Variants in PACSIN2 observed in about 807,000 individuals in gnomAD.
PACSIN2 encodes protein kinase C and casein kinase substrate in neurons protein 2.
PACSIN2 carries 25 observed loss-of-function variants against 63.8 expected under a neutral mutation model. That is an observed-to-expected ratio of 0.39 (90% CI 0.29 to 0.55). The LOEUF is 0.55. PACSIN2 is among the 20% of genes least tolerant of loss of function. PACSIN2 has a pLI of 0.62. For missense variants in PACSIN2, 518 were observed against 646.9 expected (o/e 0.80, Z 2.16); for synonymous variants, 255 against 256.2 (o/e 1.00, Z 0.05).
chr22:43,009,863 C>CTTTTTTTTTTTTTTTTTTTT lies in PACSIN2; in HGVS notation c.-78+5157_-78+5158insAAAAAAAAAAAAAAAAAAAA, dbSNP rs762256300. Among the ~76,000 whole-genome samples, 3 of 131,814 alleles carry CTTTTTTTTTTTTTTTTTTTT rather than the reference C, an allele frequency of 2.3e-5. 1 individual carries two copies. 86.5% of individuals were successfully genotyped at this position (131,814 alleles called of 152,430 possible). A position where few individuals can be genotyped will look rare whatever the true frequency, so the allele number is the denominator to read the frequency against. On this transcript the variant is annotated intron_variant, in intron 1 of 10. Coordinates refer to ENST00000263246, the MANE Select transcript of PACSIN2 (RefSeq NM_001184970.3). ...TAGTTGAGACATCATTTTATTTTTT[C>CTTTTTTTTTTTTTTTTTTTT]TATTTTTTTTTTTTTTTTTTTTTGA...
intron 7 of PACSIN2, among the ~76,000 whole-genome samples, chr22:42,879,411 G>A (rs1299271803): frequency 1.3e-5 from 2 of 152,212 alleles, no homozygotes; most frequent in East Asian, 3.8e-4. Context: ...GGATCTGGAG[G>A]CTTGCACCTC....
Position 42,951,247 on chromosome 22 carries a change from G to A in PACSIN2, c.-77-39090C>T, listed in dbSNP as rs181064687. On this transcript the variant is annotated intron_variant, in intron 1 of 10. Transcript: ENST00000263246. Reference sequence around the variant, plus strand: ...GCCTTATCTTCTAGTCACGATAACCGGCCTGCAGTATTAACTGCATTCTCT... The same window carrying A: ...GCCTTATCTTCTAGTCACGATAACCAGCCTGCAGTATTAACTGCATTCTCT... 7.2e-5 allele frequency among the ~76,000 whole-genome samples: 11 copies of A among 152,194 alleles called. No homozygotes were observed. In the East Asian group the frequency reaches 9.7e-4, roughly 13 times the overall value.
intron 1 of PACSIN2, among the ~76,000 whole-genome samples, chr22:42,975,196 A>G (rs972758183): frequency 6.6e-6 from 1 of 152,242 alleles, no homozygotes; most frequent in Non-Finnish European, 1.5e-5. Flanking sequence ...AGTTATTAGC[A>G]TGGAGGACGC....
chr22:43,013,182 T>C (rs2146935393), intron 1 of PACSIN2, among the ~76,000 whole-genome samples: 1 of 152,372 alleles, frequency 6.6e-6, no homozygotes, highest in South Asian at 2.1e-4. Context: ...GAGCTAAGGA[T>C]ACCATTTCCA....
At chr22:42,883,686 C>T (rs149389867) in intron 6 of PACSIN2, among the ~76,000 whole-genome samples, 51 of 152,348 alleles carry the variant, frequency 3.3e-4, no homozygotes, top group Non-Finnish European at 7.1e-4. Flanking sequence ...CCAGAAATGC[C>T]AGATTCACCT....
chr22:42,921,592 AAGAG>A (rs1478741441), intron 1 of PACSIN2, among the ~76,000 whole-genome samples: 1 of 152,174 alleles, frequency 6.6e-6, no homozygotes, highest in East Asian at 1.9e-4. Flanking sequence ...TTGAGGGAAC[AAGAG>A]AGAAATTCTA....
chr22:42,952,079 C>T (rs959135908), intron 1 of PACSIN2, among the ~76,000 whole-genome samples: 5 of 152,234 alleles, frequency 3.3e-5, no homozygotes, highest in Non-Finnish European at 5.9e-5. Context: ...GTTTTATTTT[C>T]TTAACACTCA....
intron 1 of PACSIN2, among the ~76,000 whole-genome samples, chr22:42,912,795 C>T (rs554542030): frequency 1.2e-4 from 19 of 152,292 alleles, no homozygotes; most frequent in Admixed American, 7.2e-4. Context: ...TGTCCGCAGC[C>T]GAGATGAAAC....
chr22:42,883,704 A>T (rs777263363), intron 6 of PACSIN2, among the ~76,000 whole-genome samples: 7 of 152,216 alleles, frequency 4.6e-5, no homozygotes, highest in Non-Finnish European at 8.8e-5. Flanking sequence ...CCTCCAGTGG[A>T]TCTTACATAT....
chr22:42,911,062 G>A lies in PACSIN2; in HGVS notation c.60+959C>T, dbSNP rs777558648. Among the ~76,000 whole-genome samples the A allele has an allele frequency of 9.9e-5, 15 of 151,870 alleles. 1 individual carries two copies. In the South Asian group the frequency reaches 1.0e-3, roughly 11 times the overall value. On this transcript the variant is annotated intron_variant, in intron 2 of 10. Coordinates refer to ENST00000263246, the MANE Select transcript of PACSIN2 (RefSeq NM_001184970.3). ...TGGGGTTACAGGTGCCCACCACCAC[G>A]CCCAGCTAATTTTTTGTATTTTTAG...
At chr22:42,902,064 C>T (rs1023406961) in intron 2 of PACSIN2, among the ~76,000 whole-genome samples, 10 of 152,236 alleles carry the variant, frequency 6.6e-5, no homozygotes, top group African/African-American at 2.4e-4. Flanking sequence ...TAAGGAACAT[C>T]CACTGTGTGT....
At chr22:42,876,801 TGCCGAGG>T in intron 9 of PACSIN2, 80 bp downstream of exon 9, 1 of 1,554,110 alleles carries the variant, frequency 6.4e-7, no homozygotes, top group Non-Finnish European at 8.8e-7. Flanking sequence ...CATTGCCGAG[TGCCGAGG>T]GGTGAGACCC....
At chr22:42,950,629 A>AC (rs1933648678) in intron 1 of PACSIN2, among the ~76,000 whole-genome samples, 3 of 152,248 alleles carry the variant, frequency 2.0e-5, no homozygotes, top group African/African-American at 7.2e-5. Flanking sequence ...AAGTTAGCTT[A>AC]CAGTAACATT....
chr22:42,949,297 G>C (rs889294866), intron 1 of PACSIN2, among the ~76,000 whole-genome samples: 1 of 152,128 alleles, frequency 6.6e-6, no homozygotes, highest in Non-Finnish European at 1.5e-5. Flanking sequence ...CAGCCTTCTT[G>C]CTCCTAGTAT....
intron 1 of PACSIN2, among the ~76,000 whole-genome samples, chr22:42,923,671 C>T (rs905518587): frequency 1.3e-5 from 2 of 152,120 alleles, no homozygotes; most frequent in African/African-American, 4.8e-5. Flanking sequence ...TCGTGATCCG[C>T]CCGCCTCGGC....
At chr22:42,940,468 ACTC>A (rs907732347) in intron 1 of PACSIN2, among the ~76,000 whole-genome samples, 1 of 151,314 alleles carries the variant, frequency 6.6e-6, no homozygotes, top group African/African-American at 2.4e-5. Context: ...TCCTCAATCC[ACTC>A]CTCCTTTTAC....
intron 1 of PACSIN2, among the ~76,000 whole-genome samples, chr22:42,966,329 C>T (rs1277374528): frequency 2.0e-5 from 3 of 151,606 alleles, no homozygotes; most frequent in African/African-American, 7.3e-5. Flanking sequence ...CGTGCCCCTG[C>T]ACTCCGGCCT....
intron 2 of PACSIN2, among the ~76,000 whole-genome samples, chr22:42,899,272 C>T (rs1930505118): frequency 6.6e-6 from 1 of 152,190 alleles, no homozygotes; most frequent in Admixed American, 6.5e-5. Flanking sequence ...CGGCATGGCT[C>T]CTTAAACAAA....
chr22:42,888,895 G>A (rs1174806484), intron 4 of PACSIN2, 97 bp from the exon 5 acceptor site: 3 of 1,309,306 alleles, frequency 2.3e-6, no homozygotes, highest in Admixed American at 1.9e-5. Context: ...GCTACCAAGA[G>A]GGGAGAAAAA....
Sources: gnomAD v4.1 joint callset for allele counts (sites outside exome capture counted in the v4.1 genomes callset) on GRCh38, gnomAD v4.1.1 for gene constraint, MANE v1.5 for transcripts, NCBI Gene and HGNC (gene_info 2026-07-23, HGNC 2026-07-21) for gene names.